RBPJ: variants seen among roughly 807,000 people sequenced by gnomAD.
RBPJ encodes recombination signal binding protein for immunoglobulin kappa J region, also known as recombining binding protein suppressor of hairless.
A neutral mutation model predicts 67.8 loss-of-function variants in RBPJ; 9 were observed. The ratio of observed to expected loss-of-function variants is 0.13; its 90% CI spans 0.08 to 0.23. The LOEUF (loss-of-function observed/expected upper bound fraction) is 0.23. Ranked by LOEUF, RBPJ falls within the 10% of genes least tolerant of loss-of-function variation. The probability of loss-of-function intolerance (pLI) is 1.00; values close to 1 mark genes in which losing one functional copy is unlikely to be tolerated. For missense variants in RBPJ, 305 were observed against 595.6 expected (o/e 0.51, Z 5.08); for synonymous variants, 198 against 203.3 (o/e 0.97, Z 0.22).
chr4:26,125,579 A>T, the RBPJ span, among the ~76,000 whole-genome samples: 1 of 152,122 alleles, frequency 6.6e-6, no homozygotes, highest in South Asian at 2.1e-4. Context: ...GGAGTGGATC[A>T]CTTGAGGTCA....
chr4:26,427,714 T>C (rs532209391), intron 7 of RBPJ, among the ~76,000 whole-genome samples: 1 of 152,096 alleles, frequency 6.6e-6, no homozygotes, highest in Admixed American at 6.5e-5. Flanking sequence ...TTGCAGGAGA[T>C]TGGACAGTGA....
chr4:26,408,657 G>A (rs1287069516), intron 3 of RBPJ, among the ~76,000 whole-genome samples: 10 of 152,152 alleles, frequency 6.6e-5, no homozygotes, highest in South Asian at 4.1e-4. Context: ...TGTAATCCTC[G>A]TAACAATTTT....
At chr4:26,327,450 T>A (rs569745504) in intron 1 of RBPJ, among the ~76,000 whole-genome samples, 82 of 152,066 alleles carry the variant, frequency 5.4e-4, no homozygotes, top group Middle Eastern at 3.4e-3. Context: ...CACATTTTTT[T>A]AATGCATTCT....
chr4:26,326,903 C>T (rs971442547), intron 1 of RBPJ, among the ~76,000 whole-genome samples: 5 of 152,086 alleles, frequency 3.3e-5, no homozygotes, highest in East Asian at 1.9e-4. Context: ...TGCAGAGGAC[C>T]GCAACCCTTG....
In RBPJ at chr4:26,192,985, G is replaced by A. The variant is rs142887747; in HGVS notation, c.-167+29371G>A. Among the ~76,000 whole-genome samples, 180 of 152,264 alleles carry A rather than the reference G, an allele frequency of 1.2e-3. 2 individuals carry two copies. The Middle Eastern group carries it at 0.014, about 12-fold the overall frequency. On this transcript the variant is annotated intron_variant, in intron 1 of 4. Transcript: ENST00000512351. ...CAGAAGAACCAGAATCAGAGAAGGG[G>A]ATATGATGACAGAAGCAGAGGCTGG...
chr4:26,217,567 C>A (rs1422288709), intron 1 of RBPJ, among the ~76,000 whole-genome samples: 1 of 152,180 alleles, frequency 6.6e-6, no homozygotes, highest in Non-Finnish European at 1.5e-5. Flanking sequence ...CTTGGAAGGT[C>A]ATGAGAAGCA....
chr4:26,318,960 G>A (rs1050161117), upstream of RBPJ, among the ~76,000 whole-genome samples: 2 of 133,106 alleles, frequency 1.5e-5, no homozygotes, highest in Non-Finnish European at 3.1e-5. Context: ...TCGCGCCACT[G>A]CACTCTAGCC....
intron 1 of RBPJ, among the ~76,000 whole-genome samples, chr4:26,357,205 G>C (rs1250118751): frequency 6.6e-6 from 1 of 152,216 alleles, no homozygotes; most frequent in East Asian, 1.9e-4. Context: ...AATAGCTAGT[G>C]ATAATTGTGA....
the RBPJ span, among the ~76,000 whole-genome samples, chr4:26,143,120 CATA>C: frequency 6.6e-6 from 1 of 152,180 alleles, no homozygotes; most frequent in Non-Finnish European, 1.5e-5. Context: ...ACTCATATTT[CATA>C]ATAATATGAT....
At chr4:26,275,639 TTTTG>T (rs1196234991) in intron 1 of RBPJ, among the ~76,000 whole-genome samples, 1 of 152,016 alleles carries the variant, frequency 6.6e-6, no homozygotes, top group Admixed American at 6.6e-5. Flanking sequence ...TTTTGTTTTG[TTTTG>T]TTTTTTGAGA....
the RBPJ span, among the ~76,000 whole-genome samples, chr4:26,120,689 A>C: frequency 7.0e-6 from 1 of 142,786 alleles, no homozygotes; most frequent in South Asian, 2.2e-4. Flanking sequence ...ATAACCTAAT[A>C]GGTTACTCAA....
At chr4:26,156,997 C>A in the RBPJ span, among the ~76,000 whole-genome samples, 1 of 151,466 alleles carries the variant, frequency 6.6e-6, no homozygotes, top group Non-Finnish European at 1.5e-5. Flanking sequence ...ATCACCTGAG[C>A]CCAGGGAGAC....
the RBPJ span, among the ~76,000 whole-genome samples, chr4:26,157,098 C>CAAAAA: frequency 1.5e-4 from 4 of 26,346 alleles, no homozygotes; most frequent in South Asian, 2.4e-3. Flanking sequence ...AACAAACAAA[C>CAAAAA]AAAAACAAAC....
intron 1 of RBPJ, among the ~76,000 whole-genome samples, chr4:26,239,744 G>GGGAGAGGAGA (rs200509512): frequency 4.7e-5 from 7 of 149,892 alleles, no homozygotes; most frequent in Non-Finnish European, 5.9e-5. Flanking sequence ...GGGAGGGGAG[G>GGGAGAGGAGA]GGAGAGGAGA....
At chr4:26,210,720 T>TTTCCTTCTTTCTTTCC (rs55831777) in intron 1 of RBPJ, among the ~76,000 whole-genome samples, 9 of 70,930 alleles carry the variant, frequency 1.3e-4, no homozygotes, top group Non-Finnish European at 1.4e-4. Context: ...TCTTTCCTTC[T>TTTCCTTCTTTCTTTCC]TTCTTTCCTT....
chr4:26,131,086 G>A, the RBPJ span, among the ~76,000 whole-genome samples: 116 of 152,308 alleles, frequency 7.6e-4, 2 homozygotes, highest in Admixed American at 3.9e-3. Flanking sequence ...GTCTTCATTT[G>A]TGCAACATGC....
chr4:26,120,956 A>G, the RBPJ span, among the ~76,000 whole-genome samples: 2 of 149,146 alleles, frequency 1.3e-5, no homozygotes, highest in Non-Finnish European at 3.0e-5. Flanking sequence ...AGAGAGATGA[A>G]GGGGGGAAAG....
chr4:26,391,346 G>C (rs1002412416), intron 2 of RBPJ, among the ~76,000 whole-genome samples: 1 of 152,152 alleles, frequency 6.6e-6, no homozygotes, highest in African/African-American at 2.4e-5. Context: ...CAGATACGTG[G>C]TCAGTTACTT....
At chr4:26,411,414 C>T (rs1173850574) in intron 3 of RBPJ, among the ~76,000 whole-genome samples, 9 of 150,446 alleles carry the variant, frequency 6.0e-5, no homozygotes, top group Admixed American at 4.6e-4. Flanking sequence ...TAGATTTTTA[C>T]GAAGTATGGG....
Sources: gnomAD v4.1 joint callset for allele counts (sites outside exome capture counted in the v4.1 genomes callset) on GRCh38, gnomAD v4.1.1 for gene constraint, MANE v1.5 for transcripts, NCBI Gene and HGNC (gene_info 2026-07-23, HGNC 2026-07-21) for gene names.